The following WDR43 variants were observed in gnomAD, a reference collection of about 807,000 sequenced individuals.
WDR43 encodes the protein WD repeat-containing protein 43.
A neutral mutation model predicts 91.4 loss-of-function variants in WDR43; 13 were observed. The observed-to-expected ratio is 0.14, with a 90% CI of 0.09 to 0.23. WDR43 has a LOEUF of 0.23. Among genes scored for constraint, WDR43 ranks in the 10% least tolerant of loss-of-function variants. The probability of loss-of-function intolerance (pLI) is 1.00; values close to 1 mark genes in which losing one functional copy is unlikely to be tolerated. For missense variants in WDR43, 780 were observed against 809.4 expected, an observed-to-expected ratio of 0.96 and a Z score of 0.44; for synonymous variants, 331 against 287.9, an observed-to-expected ratio of 1.15 and a Z score of -1.51.
intron 2 of WDR43, among the ~76,000 whole-genome samples, chr2:28,904,531 G>A (rs775577513): frequency 5.3e-5 from 8 of 152,192 alleles, no homozygotes; most frequent in Non-Finnish European, 8.8e-5. Flanking sequence ...TCACCAGCAT[G>A]GGCATCATAA....
At chr2:28,942,240 G>C (rs143520162) in intron 15 of WDR43, 72 bp from the exon 16 acceptor site, 2 of 1,460,930 alleles carry the variant, frequency 1.4e-6, no homozygotes, top group African/African-American at 1.4e-5. Flanking sequence ...GGGAAGGTTG[G>C]GTATGCTGGT....
intron 16 of WDR43, among the ~76,000 whole-genome samples, chr2:28,943,845 C>G (rs1276244698): frequency 2.0e-5 from 3 of 152,108 alleles, no homozygotes; most frequent in Non-Finnish European, 4.4e-5. Flanking sequence ...CAGGTGTTGG[C>G]CATGATTTGG....
chr2:28,900,264 T>C (rs1342078441), intron 1 of WDR43, among the ~76,000 whole-genome samples: 5 of 152,172 alleles, frequency 3.3e-5, no homozygotes, highest in Non-Finnish European at 1.5e-5. Flanking sequence ...CTCGGCTCAC[T>C]GCAACCTCTG....
At chr2:28,913,423 C>T (rs907559702) in intron 4 of WDR43, among the ~76,000 whole-genome samples, 6 of 152,086 alleles carry the variant, frequency 3.9e-5, no homozygotes, top group African/African-American at 1.4e-4. Context: ...CTTGACCTCC[C>T]AGGCTCAAGC....
chr2:28,925,083 G>C lies in WDR43; in HGVS notation c.1016G>C (p.Gly339Ala). The C allele has an allele frequency of 6.2e-7, 1 of 1,613,958 alleles. No individual in the cohort carries two copies. Among genetic ancestry groups the C allele is most frequent in the Non-Finnish European group, 8.5e-7 (1 of 1,179,884 alleles). The stretch of plus-strand genomic sequence containing the variant: ...AAACCCATCCCTATTCTAGCTGCTG[G>C]TTTTTGCTCAGACAAAATGTCATTG... ...TPKPIPILAA[G>A]FCSDKMSLLL... The change falls in exon 8 of 18, where the codon GGT (glycine) becomes GCT (alanine). Residue 339 changes from glycine to alanine, a missense_variant. Gly to Ala is a moderately conservative substitution (Grantham distance 60). This residue lies in a region of WDR43 where 426 missense variants were observed against 467.8 expected (regional missense o/e 0.91). Coordinates refer to ENST00000407426, the MANE Select transcript of WDR43 (RefSeq NM_015131.3).
intron 16 of WDR43, among the ~76,000 whole-genome samples, chr2:28,942,958 A>G (rs1671476808): frequency 6.6e-6 from 1 of 152,088 alleles, no homozygotes; most frequent in Admixed American, 6.6e-5. Flanking sequence ...GTGTAAATAC[A>G]TTTAAAAGTC....
rs1671550148 is a variant in WDR43 at position 28,946,722 on chromosome 2, A to G, written c.1977A>G (p.Glu659=). The change falls in exon 18 of 18, where the codon GAA becomes GAG. Residue 659 remains glutamate, a synonymous_variant. Coordinates refer to ENST00000407426, the MANE Select transcript of WDR43 (RefSeq NM_015131.3). ...ENGEDRDTAS[E]KELNGDSDLD... ...GCGAGGACAGAGATACAGCAAGTGA[A>G]AAAGAATTAAATGGAGATTCTGATT... The G allele has an allele frequency of 3.2e-6, 5 of 1,585,130 alleles. No homozygotes were observed. The highest frequency in any genetic ancestry group is 4.3e-6 in the Non-Finnish European group (5 of 1,165,518).
intron 5 of WDR43, 126 bp from the exon 6 acceptor site, chr2:28,917,766 GT>G (rs1237491734): frequency 3.8e-6 from 3 of 789,168 alleles, no homozygotes; most frequent in Admixed American, 3.1e-5. Flanking sequence ...CACTTTACTA[GT>G]TTTCAAAAGA....
At chr2:28,895,287 C>T (rs1451583384) in intron 1 of WDR43, 3 of 206,044 alleles carry the variant, frequency 1.5e-5, no homozygotes, top group Admixed American at 6.0e-5. Context: ...TGACAGAGCC[C>T]CATCTTGGGA....
chr2:28,927,137 CTG>C (rs1463543770), intron 9 of WDR43: 15 of 519,726 alleles, frequency 2.9e-5, no homozygotes, highest in South Asian at 2.1e-4. Flanking sequence ...TCTTGGCTGT[CTG>C]AGCATTTCTG....
chr2:28,931,509 C>A (rs1198201177), intron 11 of WDR43, among the ~76,000 whole-genome samples: 5 of 152,174 alleles, frequency 3.3e-5, no homozygotes, highest in African/African-American at 1.2e-4. Flanking sequence ...ATTCCATGTT[C>A]AAGATTTTGC....
chr2:28,902,281 G>C (rs1670592177), intron 2 of WDR43, among the ~76,000 whole-genome samples, 157 bp downstream of exon 2: 1 of 152,154 alleles, frequency 6.6e-6, no homozygotes, highest in Non-Finnish European at 1.5e-5. Context: ...AGTAATATTT[G>C]ATAAAAGCTA....
chr2:28,937,927 C>G lies in WDR43; in HGVS notation c.1557-4C>G, dbSNP rs1333439764. 1.9e-6 allele frequency: 3 copies of G among 1,608,242 alleles called. No homozygotes were observed. The African/African-American group carries it at 4.0e-5, about 22-fold the overall frequency. On this transcript the variant is annotated splice_region_variant and splice_polypyrimidine_tract_variant and intron_variant, in intron 13 of 17. Transcript: ENST00000407426. ...CATTAGTTTACTTGGATTTTTTTTT[C>G]CAGTGCTGTGCTAATGGTTCAGTGG...
At chr2:28,929,963 T>TATTAGGC (rs1346391402) in intron 11 of WDR43, 2 of 571,398 alleles carry the variant, frequency 3.5e-6, no homozygotes, top group Non-Finnish European at 6.6e-6. Context: ...ATTATTAGGT[T>TATTAGGC]ATTAGGCTTT....
At position 28,903,940 on chromosome 2, in the gene WDR43, G is replaced by A. The variant is rs140119414; in HGVS notation, c.363+1816G>A. 1.2e-3 allele frequency among the ~76,000 whole-genome samples: 180 copies of A among 152,230 alleles called. 1 individual carries two copies. In the East Asian group the frequency reaches 0.034, roughly 29 times the overall value. On this transcript the variant is annotated intron_variant, in intron 2 of 17. Transcript: ENST00000407426. ...GTGCCTCAGCCTCCTGAGTAGCTGG[G>A]ATTACAGACGTGCACCACCATAGCT...
At chr2:28,911,668 G>C (rs568422940) in intron 3 of WDR43, among the ~76,000 whole-genome samples, 1 of 150,818 alleles carries the variant, frequency 6.6e-6, no homozygotes, top group East Asian at 2.0e-4. Flanking sequence ...GTCTTGCTCT[G>C]TCACCCAGGC....
At chr2:28,908,062 A>T (rs1230192655) in intron 3 of WDR43, among the ~76,000 whole-genome samples, 2 of 152,220 alleles carry the variant, frequency 1.3e-5, no homozygotes, top group Admixed American at 6.5e-5. Flanking sequence ...TGGTTGTAGG[A>T]TGGTAAGTGT....
At position 28,935,036 on chromosome 2, in the gene WDR43, C is replaced by T. The variant is rs114582049; in HGVS notation, c.1438-485C>T. Among the ~76,000 whole-genome samples, 393 of 152,160 alleles carry T rather than the reference C, an allele frequency of 2.6e-3. 1 individual carries two copies. The highest frequency in any genetic ancestry group is 4.1e-3 in the Non-Finnish European group (276 of 68,008). On this transcript the variant is annotated intron_variant, in intron 11 of 17. Coordinates refer to ENST00000407426, the MANE Select transcript of WDR43 (RefSeq NM_015131.3). ...AGACTGGGTCTCCACCATAGATGTA[C>T]GCTTAAAGGGTTTTGATTCAAGCTC...
chr2:28,912,954 T>C (rs1670832582), intron 4 of WDR43, among the ~76,000 whole-genome samples: 2 of 145,366 alleles, frequency 1.4e-5, no homozygotes, highest in African/African-American at 5.2e-5. Context: ...AAGATTTTTT[T>C]TTTTTTTTTT....
Sources: allele counts gnomAD v4.1 joint callset (sites outside exome capture counted in the v4.1 genomes callset), GRCh38; gene constraint gnomAD v4.1.1; regional missense constraint gnomAD v4.1.1; transcripts MANE v1.5; gene names NCBI Gene and HGNC (gene_info 2026-07-23, HGNC 2026-07-21).